THRB: variants seen among roughly 807,000 people sequenced by gnomAD.
The protein encoded by THRB is nuclear receptor subfamily 1 group A member 2.
THRB carries 12 observed loss-of-function variants against 47.8 expected under a neutral mutation model. The observed-to-expected ratio is 0.25, with a 90% CI of 0.16 to 0.41. The LOEUF is 0.41. Among genes scored for constraint, THRB ranks in the 10% least tolerant of loss-of-function variants. The probability of loss-of-function intolerance (pLI) is 1.00; values close to 1 mark genes in which losing one functional copy is unlikely to be tolerated. For synonymous variants in THRB, 218 were observed against 212.2 expected, an observed-to-expected ratio of 1.03 and a Z score of -0.24; for missense variants, 348 against 589.2, an observed-to-expected ratio of 0.59 and a Z score of 4.24.
chr3:24,285,538 T>C (rs551058032), intron 3 of THRB, among the ~76,000 whole-genome samples: 1 of 151,342 alleles, frequency 6.6e-6, no homozygotes, highest in South Asian at 2.1e-4. Context: ...CATATGTAAC[T>C]AACCTGCACA....
intron 9 of THRB, among the ~76,000 whole-genome samples, chr3:24,129,095 A>G (rs1038554137): frequency 3.3e-5 from 5 of 152,168 alleles, no homozygotes; most frequent in Non-Finnish European, 5.9e-5. Context: ...AGCTCAGCCT[A>G]GTCACTTTAC....
chr3:24,295,871 A>G (rs1256355824), intron 3 of THRB, among the ~76,000 whole-genome samples: 3 of 152,218 alleles, frequency 2.0e-5, no homozygotes, highest in Admixed American at 6.5e-5. Context: ...GATAATGTCA[A>G]TGCTCTACAT....
At chr3:24,468,339 C>A (rs1272351103) in intron 1 of THRB, among the ~76,000 whole-genome samples, 1 of 152,084 alleles carries the variant, frequency 6.6e-6, no homozygotes. Flanking sequence ...ATTAGAGTAC[C>A]AGTTTTAATT....
intron 6 of THRB, among the ~76,000 whole-genome samples, chr3:24,151,609 C>A (rs1487659112): frequency 6.6e-6 from 1 of 152,172 alleles, no homozygotes; most frequent in African/African-American, 2.4e-5. Flanking sequence ...CGAAATACAG[C>A]ACTGGGTCAA....
intron 2 of THRB, among the ~76,000 whole-genome samples, chr3:24,304,045 AT>A (rs5847281): frequency 2.0e-5 from 3 of 151,184 alleles, no homozygotes; most frequent in East Asian, 1.9e-4. Context: ...ATTAGCTCAT[AT>A]TTTTTTTTAG....
intron 1 of THRB, among the ~76,000 whole-genome samples, chr3:24,439,527 T>C (rs75036259): frequency 0.021 from 3,160 of 152,310 alleles, 132 homozygotes; most frequent in East Asian, 0.18. Context: ...AGAGTCTCTA[T>C]ATATGTTGAT....
chr3:24,133,235 A>T, intron 9 of THRB, 81 bp downstream of exon 9: 2 of 1,507,554 alleles, frequency 1.3e-6, no homozygotes, highest in Non-Finnish European at 1.8e-6. Context: ...TTAACATTAA[A>T]TTGTAAATAA....
At chr3:24,346,572 T>C (rs896563293) in intron 1 of THRB, among the ~76,000 whole-genome samples, 1 of 152,018 alleles carries the variant, frequency 6.6e-6, no homozygotes, top group African/African-American at 2.4e-5. Flanking sequence ...ACTGAGACAC[T>C]TTTGATATTA....
intron 4 of THRB, among the ~76,000 whole-genome samples, chr3:24,216,050 T>C (rs2046529868): frequency 6.6e-6 from 1 of 152,058 alleles, no homozygotes; most frequent in African/African-American, 2.4e-5. Context: ...ATTATTTTGC[T>C]AATAGACGCT....
intron 1 of THRB, among the ~76,000 whole-genome samples, chr3:24,414,481 A>G (rs971712906): frequency 6.6e-6 from 1 of 151,896 alleles, no homozygotes; most frequent in African/African-American, 2.4e-5. Context: ...CACTTGTGTG[A>G]TAATTCAGGC....
intron 4 of THRB, among the ~76,000 whole-genome samples, chr3:24,195,574 A>G (rs760507013): frequency 5.3e-5 from 8 of 152,220 alleles, no homozygotes; most frequent in Non-Finnish European, 1.2e-4. Context: ...AGTATAAATA[A>G]GAGTGTATTT....
chr3:24,294,975 CTGTGAATT>C, intron 3 of THRB, among the ~76,000 whole-genome samples: 1 of 152,180 alleles, frequency 6.6e-6, no homozygotes, highest in South Asian at 2.1e-4. Context: ...AAGAAATCAC[CTGTGAATT>C]CAATAAAATC....
chr3:24,253,300 C>A (rs2050854093), intron 3 of THRB, among the ~76,000 whole-genome samples: 1 of 152,160 alleles, frequency 6.6e-6, no homozygotes, highest in African/African-American at 2.4e-5. Context: ...AGGTTGCAAA[C>A]TTTACTGCTT....
chr3:24,217,896 T>C (rs899148112), intron 4 of THRB, among the ~76,000 whole-genome samples: 1 of 152,170 alleles, frequency 6.6e-6, no homozygotes, highest in African/African-American at 2.4e-5. Context: ...AGGAAGAGAT[T>C]GTATGAAAAA....
chr3:24,439,114 T>TA (rs1270764208), intron 1 of THRB, among the ~76,000 whole-genome samples: 1 of 152,092 alleles, frequency 6.6e-6, no homozygotes, highest in Non-Finnish European at 1.5e-5. Context: ...CATCAGGTGG[T>TA]AACTGGTCAA....
intron 5 of THRB, among the ~76,000 whole-genome samples, chr3:24,183,534 A>AT (rs979837016): frequency 2.0e-4 from 30 of 149,048 alleles, no homozygotes; most frequent in East Asian, 9.8e-4. Flanking sequence ...TCCCCAGCTA[A>AT]TTTTTTTTTG....
rs2030866746 is a variant in THRB at position 24,117,415 on chromosome 3, C to T, written c.*5469G>A. The T allele has an allele frequency of 6.6e-6, 1 of 152,300 alleles. No homozygotes were observed. Among genetic ancestry groups the T allele is most frequent in the South Asian group, 2.1e-4 (1 of 4,836 alleles). The allele number at this position is 152,300 out of a possible 1,614,324, so 9.4% of individuals were successfully genotyped here. On this transcript the variant is annotated 3_prime_UTR_variant, in exon 11 of 11. Transcript: ENST00000646209. The stretch of plus-strand genomic sequence containing the variant: ...ATGAAGCTGACTGTCCCTCTTTCCC[C>T]TCACCCAGTTCCAGGATTCCTGAGG...
intron 1 of THRB, among the ~76,000 whole-genome samples, chr3:24,474,610 G>A (rs770317260): frequency 4.6e-5 from 7 of 152,098 alleles, no homozygotes; most frequent in Admixed American, 2.0e-4. Context: ...CCTATGTAAG[G>A]AAAACAAAAT....
intron 1 of THRB, among the ~76,000 whole-genome samples, chr3:24,402,879 C>T (rs2067530123): frequency 6.6e-6 from 1 of 151,950 alleles, no homozygotes; most frequent in African/African-American, 2.4e-5. Context: ...AGAACCACAC[C>T]ATGCTGTAAA....
Sources: gnomAD v4.1 joint callset for allele counts (sites outside exome capture counted in the v4.1 genomes callset) on GRCh38, gnomAD v4.1.1 for gene constraint, MANE v1.5 for transcripts, NCBI Gene and HGNC (gene_info 2026-07-23, HGNC 2026-07-21) for gene names.